ITGB3BP: variants seen among roughly 807,000 people sequenced by gnomAD.
ITGB3BP encodes the protein centromere protein R.
Under a neutral mutation model 29.1 loss-of-function variants are expected in ITGB3BP, and 27 were observed. The ratio of observed to expected loss-of-function variants is 0.93; its 90% CI spans 0.68 to 1.28. ITGB3BP has a LOEUF of 1.28. Among genes scored for constraint, ITGB3BP ranks in the 50% most tolerant of loss-of-function variants. The pLI, the probability that ITGB3BP is intolerant of heterozygous loss-of-function variation, is 0.00. For synonymous variants in ITGB3BP, 61 were observed against 61.4 expected, an observed-to-expected ratio of 0.99 and a Z score of 0.03; for missense variants, 192 against 200.2, an observed-to-expected ratio of 0.96 and a Z score of 0.25.
intron 2 of ITGB3BP, among the ~76,000 whole-genome samples, chr1:63,498,467 G>A (rs1263402675): frequency 1.3e-5 from 2 of 151,804 alleles, no homozygotes; most frequent in African/African-American, 4.8e-5. Context: ...ATAACCAATG[G>A]GTCAAAGAAG....
rs1644903653 is a variant in ITGB3BP, at chr1:63,454,415, A to C, written c.392T>G (p.Phe131Cys). Residue 131 changes from phenylalanine (F) to cysteine (C), a missense_variant, in exon 6 of 9, where the codon TTC becomes TGC. Transcript: ENST00000271002. The surrounding 1 kb of genome is among the most constrained non-coding windows in gnomAD (Gnocchi z 4.1). ...GGTTTTCTGCATTTCTCTTTTTAAG[A>C]AATGTGATGCACAGGAGATTCCAAT... ...NLIGISCASH[F>C]LKREMQKTKE... The C allele has an allele frequency of 1.9e-6, 3 of 1,603,380 alleles. No individual in the cohort carries two copies. The African/African-American group carries it at 4.0e-5, about 22-fold the overall frequency.
intron 1 of ITGB3BP, among the ~76,000 whole-genome samples, chr1:63,514,323 T>C (rs144491631): frequency 3.4e-3 from 523 of 152,318 alleles, no homozygotes; most frequent in Middle Eastern, 0.01. Flanking sequence ...GAACACCTTT[T>C]ACAAGTTTTT....
At chr1:63,481,815 G>T (rs747610468) in intron 3 of ITGB3BP, among the ~76,000 whole-genome samples, 2 of 152,150 alleles carry the variant, frequency 1.3e-5, no homozygotes, top group Non-Finnish European at 2.9e-5. Context: ...TAATTAACTT[G>T]CACAACTCTG....
intron 8 of ITGB3BP, 101 bp from the exon 9 acceptor site, chr1:63,441,204 G>C (rs1004158341): frequency 6.6e-6 from 1 of 152,054 alleles, no homozygotes; most frequent in Non-Finnish European, 1.5e-5. Context: ...AATCTAGTTT[G>C]GTACCTAGTT....
intron 1 of ITGB3BP, among the ~76,000 whole-genome samples, chr1:63,519,802 A>G (rs1646409971): frequency 6.6e-6 from 1 of 152,124 alleles, no homozygotes; most frequent in Non-Finnish European, 1.5e-5. Context: ...ATAAAGATCC[A>G]GAATATGTTT....
At chr1:63,488,233 C>T (rs1353883914) in intron 3 of ITGB3BP, among the ~76,000 whole-genome samples, 1 of 151,850 alleles carries the variant, frequency 6.6e-6, no homozygotes, top group Non-Finnish European at 1.5e-5. Context: ...ACTGCAAGAC[C>T]TTGTGGCAAG....
At chr1:63,512,614 CAA>C in intron 1 of ITGB3BP, among the ~76,000 whole-genome samples, 1 of 152,206 alleles carries the variant, frequency 6.6e-6, no homozygotes, top group African/African-American at 2.4e-5. Flanking sequence ...CATGCTATGC[CAA>C]ATTCTTCCCT....
intron 7 of ITGB3BP, among the ~76,000 whole-genome samples, chr1:63,448,960 A>C (rs1644825922): frequency 6.6e-6 from 1 of 152,216 alleles, no homozygotes. Context: ...GCAAATGTGT[A>C]TGAGTCAGTG....
chr1:63,515,330 C>G (rs1457804464), intron 1 of ITGB3BP, among the ~76,000 whole-genome samples: 2 of 152,052 alleles, frequency 1.3e-5, no homozygotes, highest in African/African-American at 4.8e-5. Context: ...CTATTCTATT[C>G]TATTTACCTA....
At chr1:63,446,610 C>CG (rs1644794030) in intron 8 of ITGB3BP, 196 bp downstream of exon 8, 2 of 568,740 alleles carry the variant, frequency 3.5e-6, no homozygotes, top group African/African-American at 3.8e-5. Context: ...CAATCAGCCT[C>CG]TAACTGATGT....
chr1:63,444,494 ATATTACATATAGGATATATATG>A (rs928061357), intron 8 of ITGB3BP, among the ~76,000 whole-genome samples: 1 of 146,786 alleles, frequency 6.8e-6, no homozygotes, highest in Non-Finnish European at 1.5e-5. Flanking sequence ...TAGGATATAT[ATATTACATATAGGATATATATG>A]TATATATGTA....
At chr1:63,466,380 A>G (rs906517714) in intron 4 of ITGB3BP, among the ~76,000 whole-genome samples, 5 of 150,490 alleles carry the variant, frequency 3.3e-5, no homozygotes, top group Non-Finnish European at 7.4e-5. Context: ...CGGTTAGGAC[A>G]TCCTCCCCCG....
chr1:63,506,683 A>G (rs1380547957), intron 2 of ITGB3BP, among the ~76,000 whole-genome samples: 1 of 152,180 alleles, frequency 6.6e-6, no homozygotes, highest in Non-Finnish European at 1.5e-5. Flanking sequence ...AGGAGTTCCA[A>G]ATATCTCTGG....
chr1:63,450,550 C>A (rs1184549311), intron 7 of ITGB3BP, among the ~76,000 whole-genome samples: 1 of 151,898 alleles, frequency 6.6e-6, no homozygotes, highest in African/African-American at 2.4e-5. Flanking sequence ...AAATTTCATG[C>A]CTCACCATGT....
At chr1:63,489,573 A>G (rs1346806535) in intron 3 of ITGB3BP, among the ~76,000 whole-genome samples, 4 of 151,984 alleles carry the variant, frequency 2.6e-5, no homozygotes, top group African/African-American at 9.6e-5. Flanking sequence ...CTATGGAAAA[A>G]TTCTACAAAC....
intron 4 of ITGB3BP, 102 bp downstream of exon 4, chr1:63,478,662 C>T (rs139603953): frequency 1.7e-6 from 1 of 601,474 alleles, no homozygotes; most frequent in East Asian, 3.3e-5. Flanking sequence ...CAGGTATAAA[C>T]TATTAATTTC....
chr1:63,457,087 A>G (rs1356084641), intron 4 of ITGB3BP: 2 of 152,076 alleles, frequency 1.3e-5, no homozygotes, highest in African/African-American at 4.8e-5. Context: ...TACTATTTTG[A>G]TTCCCTTTCC....
At chr1:63,474,657 T>C (rs1476092907) in intron 4 of ITGB3BP, among the ~76,000 whole-genome samples, 1 of 152,034 alleles carries the variant, frequency 6.6e-6, no homozygotes, top group Non-Finnish European at 1.5e-5. Flanking sequence ...GGATTAAGGG[T>C]GCGAGATGTG....
At chr1:63,482,475 A>G (rs968163369) in intron 3 of ITGB3BP, among the ~76,000 whole-genome samples, 1 of 151,812 alleles carries the variant, frequency 6.6e-6, no homozygotes, top group Non-Finnish European at 1.5e-5. Context: ...AAAAGTTAGT[A>G]ACTTCTTTCT....
Sources: allele counts gnomAD v4.1 joint callset (sites outside exome capture counted in the v4.1 genomes callset), GRCh38; gene constraint gnomAD v4.1.1; non-coding constraint Gnocchi (gnomAD v3.1); transcripts MANE v1.5; gene names NCBI Gene and HGNC (gene_info 2026-07-23, HGNC 2026-07-21).